The following WWC2 variants were observed in gnomAD, a reference collection of about 807,000 sequenced individuals.
WWC2 encodes the protein WW and C2 domain containing 2.
A neutral mutation model predicts 138.5 loss-of-function variants in WWC2; 101 were observed. The ratio of observed to expected loss-of-function variants is 0.73; its 90% CI spans 0.62 to 0.86. The LOEUF (loss-of-function observed/expected upper bound fraction) is 0.86. Among genes scored for constraint, WWC2 ranks in the 40% least tolerant of loss-of-function variants. WWC2 has a pLI of 0.00. For missense variants in WWC2, 1,420 were observed against 1,419.4 expected, an observed-to-expected ratio of 1.00 and a Z score of -0.01; for synonymous variants, 558 against 538.4, an observed-to-expected ratio of 1.04 and a Z score of -0.50.
intron 21 of WWC2, among the ~76,000 whole-genome samples, chr4:183,290,288 G>A (rs1381157264): frequency 2.0e-5 from 3 of 152,084 alleles, no homozygotes; most frequent in Non-Finnish European, 4.4e-5. Flanking sequence ...AGGCCGAGGC[G>A]GGTGGATCAT....
intron 19 of WWC2, among the ~76,000 whole-genome samples, chr4:183,284,958 A>T (rs988382230): frequency 6.6e-6 from 1 of 152,230 alleles, no homozygotes; most frequent in Non-Finnish European, 1.5e-5. Context: ...AAACTGGGTT[A>T]GAAATACTTT....
chr4:183,161,573 G>A (rs1435023047), intron 1 of WWC2, among the ~76,000 whole-genome samples: 1 of 152,158 alleles, frequency 6.6e-6, no homozygotes, highest in Non-Finnish European at 1.5e-5. Flanking sequence ...GCTGCATAAG[G>A]ACATTTTGGT....
intron 1 of WWC2, among the ~76,000 whole-genome samples, chr4:183,110,532 A>G (rs527492124): frequency 3.8e-4 from 57 of 151,762 alleles, no homozygotes; most frequent in African/African-American, 1.4e-3. Flanking sequence ...CCAGCTCAGA[A>G]GTGAGGTAGT....
intron 21 of WWC2, among the ~76,000 whole-genome samples, 189 bp from the exon 22 acceptor site, chr4:183,312,152 A>G (rs538802966): frequency 7.9e-5 from 12 of 152,346 alleles, no homozygotes; most frequent in Admixed American, 7.2e-4. Flanking sequence ...CCCAAAATCA[A>G]CATATGCACA....
chr4:183,302,893 G>A (rs550036492), intron 21 of WWC2, among the ~76,000 whole-genome samples: 1 of 152,058 alleles, frequency 6.6e-6, no homozygotes, highest in African/African-American at 2.4e-5. Flanking sequence ...GTGAAACCCC[G>A]TTTCTACTAA....
rs965725587 is a variant in WWC2, at chr4:183,312,432, A to G, written c.3476A>G (p.Gln1159Arg). 1.2e-6 allele frequency: 2 copies of G among 1,613,788 alleles called. No homozygotes were observed. The highest frequency in any genetic ancestry group is 2.7e-5 in the African/African-American group (2 of 74,946). ...VSKDVCRLRE[Q>R]SQKVPRQVQS... ...AAGGACGTGTGTCGGCTCCGGGAGC[A>G]GAGCCAGAAGGTGCCTCGGCAGGTG... Residue 1159 changes from glutamine to arginine, a missense_variant, in exon 22 of 23, where the codon CAG (glutamine) becomes CGG (arginine). Gln to Arg is a conservative substitution (Grantham distance 43). Transcript: ENST00000403733.
At chr4:183,143,552 A>T (rs1443532192) in intron 1 of WWC2, among the ~76,000 whole-genome samples, 2 of 152,106 alleles carry the variant, frequency 1.3e-5, no homozygotes. Flanking sequence ...TCATGCCTGT[A>T]ATCCCAGCAC....
chr4:183,203,653 G>A (rs1235478602), intron 2 of WWC2: 1 of 152,046 alleles, frequency 6.6e-6, no homozygotes, highest in Non-Finnish European at 1.5e-5. Flanking sequence ...GTTACTAATG[G>A]TACACAAAAA....
At chr4:183,269,411 C>A in intron 15 of WWC2, 2 of 626,708 alleles carry the variant, frequency 3.2e-6, no homozygotes, top group Non-Finnish European at 6.1e-6. Context: ...TCTACCTTTT[C>A]ACCACAGAAG....
intron 1 of WWC2, among the ~76,000 whole-genome samples, chr4:183,130,756 G>A (rs1281263484): frequency 6.6e-6 from 1 of 152,064 alleles, no homozygotes; most frequent in African/African-American, 2.4e-5. Context: ...ATCATGCCAG[G>A]TCCTGTCTGC....
intron 15 of WWC2, among the ~76,000 whole-genome samples, chr4:183,270,532 G>A (rs565217332): frequency 7.5e-4 from 114 of 152,242 alleles, no homozygotes; most frequent in Non-Finnish European, 1.5e-3. Context: ...GGGAGGCCGA[G>A]GCAGGCAGAT....
At chr4:183,315,072 T>C (rs1739392567) in intron 22 of WWC2, among the ~76,000 whole-genome samples, 1 of 152,320 alleles carries the variant, frequency 6.6e-6, no homozygotes, top group Non-Finnish European at 1.5e-5. Flanking sequence ...TGTAGGGAAA[T>C]AGACGCACTG....
intron 11 of WWC2, among the ~76,000 whole-genome samples, chr4:183,264,554 G>A (rs1737431729): frequency 6.6e-6 from 1 of 152,180 alleles, no homozygotes. Context: ...GAGAGAAGGG[G>A]AGACCAAAAG....
chr4:183,265,652 A>G (rs1254944856), intron 12 of WWC2, 36 bp from the exon 13 acceptor site: 7 of 1,572,892 alleles, frequency 4.5e-6, no homozygotes, highest in Non-Finnish European at 6.1e-6. Context: ...CGATAACCCC[A>G]TTAATTAACT....
chr4:183,147,899 T>A (rs1454399956), intron 1 of WWC2, among the ~76,000 whole-genome samples: 1 of 152,240 alleles, frequency 6.6e-6, no homozygotes, highest in Non-Finnish European at 1.5e-5. Context: ...CTTTGTTCTG[T>A]TTCATTGTTC....
intron 1 of WWC2, among the ~76,000 whole-genome samples, chr4:183,132,749 G>A (rs927023509): frequency 1.2e-4 from 19 of 152,052 alleles, no homozygotes; most frequent in Middle Eastern, 6.8e-3. Context: ...CACCGCGCCC[G>A]GCCGATTTTC....
intron 15 of WWC2, 92 bp from the exon 16 acceptor site, chr4:183,270,988 A>G (rs184945189): frequency 8.5e-7 from 1 of 1,173,024 alleles, no homozygotes; most frequent in Non-Finnish European, 1.1e-6. Flanking sequence ...AAGCTCATTC[A>G]ATAATCTTTA....
chr4:183,117,382 A>G (rs961708029), intron 1 of WWC2, among the ~76,000 whole-genome samples: 8 of 151,362 alleles, frequency 5.3e-5, no homozygotes, highest in Non-Finnish European at 4.4e-5. Flanking sequence ...CACCATGCCC[A>G]GCTAATTTTT....
chr4:183,239,386 C>G (rs186901184), intron 4 of WWC2, among the ~76,000 whole-genome samples: 1 of 152,236 alleles, frequency 6.6e-6, no homozygotes, highest in East Asian at 1.9e-4. Flanking sequence ...GTTTCTAACC[C>G]TTGTGAGAAG....
Sources: allele counts gnomAD v4.1 joint callset (sites outside exome capture counted in the v4.1 genomes callset), GRCh38; gene constraint gnomAD v4.1.1; transcripts MANE v1.5; gene names NCBI Gene and HGNC (gene_info 2026-07-23, HGNC 2026-07-21).